KCNQ5: variants seen among roughly 807,000 people sequenced by gnomAD.
KCNQ5 encodes the protein potassium voltage-gated channel subfamily KQT member 5.
In KCNQ5, 30 loss-of-function variants were observed where a neutral mutation model predicts 98.2. The observed-to-expected ratio is 0.31, with a 90% confidence interval of 0.23 to 0.41. The LOEUF is 0.41. Ranked by LOEUF, KCNQ5 falls within the 10% of genes least tolerant of loss-of-function variation. The probability of loss-of-function intolerance (pLI) is 1.00; values close to 1 mark genes in which losing one functional copy is unlikely to be tolerated. For synonymous variants in KCNQ5, 458 were observed against 449.4 expected (o/e 1.02, Z -0.24); for missense variants, 835 against 1,182.5 (o/e 0.71, Z 4.31).
At chr6:72,723,942 C>G (rs1000306315) in intron 1 of KCNQ5, among the ~76,000 whole-genome samples, 2 of 152,162 alleles carry the variant, frequency 1.3e-5, no homozygotes, top group African/African-American at 4.8e-5. Flanking sequence ...AAAGTAAGGT[C>G]TGTTACATCT....
intron 1 of KCNQ5, among the ~76,000 whole-genome samples, chr6:72,624,373 A>G (rs1016105928): frequency 6.6e-6 from 1 of 152,252 alleles, no homozygotes; most frequent in Admixed American, 6.5e-5. Flanking sequence ...TTACAACAGT[A>G]TGCTCAAAAC....
chr6:72,811,034 C>T (rs1292614889), intron 1 of KCNQ5, among the ~76,000 whole-genome samples: 2 of 152,158 alleles, frequency 1.3e-5, no homozygotes, highest in Non-Finnish European at 2.9e-5. Context: ...AGGAAAATGT[C>T]TTCTTGCCTA....
Position 72,735,736 on chromosome 6 carries a change from GTTTTTA to G in KCNQ5, c.398+113156_398+113161del, listed in dbSNP as rs538798165. On this transcript the variant is annotated intron_variant, in intron 1 of 13. Coordinates refer to ENST00000370398, the MANE Select transcript of KCNQ5 (RefSeq NM_019842.4). ...GGTCTTCTATTAAACAAATTGGATT[GTTTTTA>G]TTTTTAAGAATTTTATAAATGTAGT... is the stretch of plus-strand genomic sequence containing the variant. Among the ~76,000 whole-genome samples the G allele has an allele frequency of 6.3e-3, 958 of 151,984 alleles. 11 individuals are homozygous for G. Among genetic ancestry groups the G allele is most frequent in the African/African-American group, 0.022 (907 of 41,518 alleles).
At chr6:73,100,811 A>G (rs190227950) in intron 5 of KCNQ5, among the ~76,000 whole-genome samples, 2 of 152,260 alleles carry the variant, frequency 1.3e-5, no homozygotes, top group East Asian at 3.9e-4. Flanking sequence ...AGACATTAAA[A>G]CTGATACTAC....
rs542136669 is a variant in KCNQ5, at chr6:73,051,854, A to G, written c.616+9792A>G. Reference sequence around the variant, plus strand: ...AAGTCAGAGTACTTTCTTACCTCCAAACAACTGCAGTAGTTCCCCAGCAAT... The same window carrying G: ...AAGTCAGAGTACTTTCTTACCTCCAGACAACTGCAGTAGTTCCCCAGCAAT... On this transcript the variant is annotated intron_variant, in intron 3 of 13. Transcript: ENST00000370398. 1.8e-4 allele frequency among the ~76,000 whole-genome samples: 27 copies of G among 152,302 alleles called. 1 individual carries two copies. In the South Asian group the frequency reaches 4.1e-3, roughly 23 times the overall value.
chr6:73,154,819 CATT>C (rs1485348061), intron 10 of KCNQ5, among the ~76,000 whole-genome samples: 1 of 152,058 alleles, frequency 6.6e-6, no homozygotes, highest in African/African-American at 2.4e-5. Context: ...AAAAAGTAAA[CATT>C]ATGTGGAAAT....
At chr6:73,095,132 TC>T (rs1237069399) in intron 5 of KCNQ5, among the ~76,000 whole-genome samples, 4 of 152,354 alleles carry the variant, frequency 2.6e-5, no homozygotes, top group Admixed American at 2.6e-4. Context: ...TATTCTTTTT[TC>T]TTTGTCTTTA....
At chr6:72,848,673 C>G (rs1340431155) in intron 1 of KCNQ5, among the ~76,000 whole-genome samples, 2 of 152,228 alleles carry the variant, frequency 1.3e-5, no homozygotes, top group East Asian at 3.9e-4. Flanking sequence ...CAAGATTAAA[C>G]ATATCCACAT....
At chr6:72,821,493 T>C (rs1246499511) in intron 1 of KCNQ5, among the ~76,000 whole-genome samples, 1 of 152,194 alleles carries the variant, frequency 6.6e-6, no homozygotes, top group Non-Finnish European at 1.5e-5. Flanking sequence ...TTCTTGTTAC[T>C]ATGGAAGACA....
At chr6:72,820,451 C>T (rs1775700271) in intron 1 of KCNQ5, among the ~76,000 whole-genome samples, 1 of 151,908 alleles carries the variant, frequency 6.6e-6, no homozygotes, top group African/African-American at 2.4e-5. Flanking sequence ...TCACCCTTTA[C>T]CTGGGTCCTT....
intron 10 of KCNQ5, among the ~76,000 whole-genome samples, chr6:73,164,572 C>G (rs151092124): frequency 1.3e-5 from 2 of 152,256 alleles, no homozygotes; most frequent in African/African-American, 4.8e-5. Context: ...CAACATTAGG[C>G]TGGGAGGTAA....
At chr6:72,931,832 C>A (rs1289897999) in intron 1 of KCNQ5, among the ~76,000 whole-genome samples, 2 of 152,128 alleles carry the variant, frequency 1.3e-5, no homozygotes, top group Non-Finnish European at 2.9e-5. Flanking sequence ...CTCTGGAAGG[C>A]CTGCCAGAGA....
intron 1 of KCNQ5, among the ~76,000 whole-genome samples, chr6:72,668,681 G>C (rs984088576): frequency 1.1e-4 from 16 of 151,638 alleles, no homozygotes; most frequent in African/African-American, 3.9e-4. Context: ...GAGGCTGGAA[G>C]TTTCAGATCT....
chr6:73,189,088 C>T (rs1278049961), intron 11 of KCNQ5, among the ~76,000 whole-genome samples: 1 of 150,796 alleles, frequency 6.6e-6, no homozygotes, highest in African/African-American at 2.4e-5. Flanking sequence ...CCAGAAATTT[C>T]ACATGTAACA....
chr6:73,023,448 G>C (rs932753002), intron 2 of KCNQ5, among the ~76,000 whole-genome samples: 1 of 152,050 alleles, frequency 6.6e-6, no homozygotes, highest in African/African-American at 2.4e-5. Context: ...GCTATGTAGA[G>C]AAAAAGAAGG....
intron 5 of KCNQ5, among the ~76,000 whole-genome samples, chr6:73,096,514 C>T (rs1410242998): frequency 2.0e-5 from 3 of 152,026 alleles, no homozygotes; most frequent in Non-Finnish European, 4.4e-5. Flanking sequence ...GTGGGGAACG[C>T]CTGGAGCAGT....
chr6:72,861,135 G>A (rs1009081338), intron 1 of KCNQ5, among the ~76,000 whole-genome samples: 1 of 152,050 alleles, frequency 6.6e-6, no homozygotes, highest in Non-Finnish European at 1.5e-5. Context: ...CAGGCAATTT[G>A]AAACCCTTCA....
At chr6:73,002,236 G>C (rs1769613982) in intron 1 of KCNQ5, among the ~76,000 whole-genome samples, 1 of 152,152 alleles carries the variant, frequency 6.6e-6, no homozygotes. Context: ...TGTTTAGAAT[G>C]GCAACCCCTT....
intron 1 of KCNQ5, among the ~76,000 whole-genome samples, chr6:72,884,190 C>CT (rs1404947281): frequency 1.3e-5 from 2 of 152,112 alleles, no homozygotes; most frequent in East Asian, 3.9e-4. Context: ...ATGTTCTTGC[C>CT]TGAAGATACT....
Sources: allele counts gnomAD v4.1 joint callset (sites outside exome capture counted in the v4.1 genomes callset), GRCh38; gene constraint gnomAD v4.1.1; transcripts MANE v1.5; gene names NCBI Gene and HGNC (gene_info 2026-07-23, HGNC 2026-07-21).